RAPH1: variants seen among roughly 807,000 people sequenced by gnomAD.
RAPH1 encodes the protein ras-associated and pleckstrin homology domains-containing protein 1.
RAPH1 carries 18 observed loss-of-function variants against 88.1 expected under a neutral mutation model. The ratio of observed to expected loss-of-function variants is 0.20; its 90% CI spans 0.14 to 0.30. RAPH1 has a LOEUF of 0.30. RAPH1 is among the 10% of genes least tolerant of loss of function. The pLI is 1.00. For synonymous variants in RAPH1, 587 were observed against 559.0 expected, an observed-to-expected ratio of 1.05 and a Z score of -0.71; for missense variants, 1,448 against 1,543.2, an observed-to-expected ratio of 0.94 and a Z score of 1.03.
At chr2:203,457,117 G>GT (rs1166402109) in intron 8 of RAPH1, among the ~76,000 whole-genome samples, 3 of 151,852 alleles carry the variant, frequency 2.0e-5, no homozygotes, top group Non-Finnish European at 4.4e-5. Context: ...AATTAAAATT[G>GT]TAACTACAAA....
chr2:203,457,495 T>A, intron 8 of RAPH1, 35 bp downstream of exon 8: 1 of 1,575,564 alleles, frequency 6.3e-7, no homozygotes. Context: ...AATATTTTAA[T>A]TTTTAAATGT....
In RAPH1 at chr2:203,448,935, T is replaced by C. The variant is rs2098512359; in HGVS notation, c.1414-99A>G. Reference sequence around the variant, plus strand: ...ACATATCCTGACAAGTTATAGGCCATTAGAGTAATGGCCAATACATTTATG... The same window carrying C: ...ACATATCCTGACAAGTTATAGGCCACTAGAGTAATGGCCAATACATTTATG... On this transcript the variant is annotated intron_variant, in intron 10 of 13. Coordinates refer to ENST00000319170, the MANE Select transcript of RAPH1 (RefSeq NM_213589.3). This position sits in a 1 kb window ranked among gnomAD's most constrained non-coding sequence, Gnocchi z 4.1. The C allele has an allele frequency of 1.5e-6, 1 of 660,922 alleles. No homozygotes were observed. The highest frequency in any genetic ancestry group is 2.5e-5 in the South Asian group (1 of 40,268). The allele number at this position is 660,922 out of a possible 1,614,324, so 40.9% of individuals were successfully genotyped here. A position where few individuals can be genotyped will look rare whatever the true frequency, so the allele number is the denominator to read the frequency against.
chr2:203,464,996 T>C (rs2098527332), intron 4 of RAPH1, among the ~76,000 whole-genome samples: 1 of 152,216 alleles, frequency 6.6e-6, no homozygotes, highest in Non-Finnish European at 1.5e-5. Context: ...CACCAAATGC[T>C]GCCAAGGATG....
rs1305309497 is a variant in RAPH1 at position 203,439,757 on chromosome 2, C to T, written c.3433G>A (p.Ala1145Thr). 1 of 1,613,912 alleles carries T rather than the reference C, an allele frequency of 6.2e-7. No individual in the cohort carries two copies. The highest frequency in any genetic ancestry group is 1.3e-5 in the African/African-American group (1 of 74,856). Residue 1145 changes from alanine (A) to threonine (T), a missense_variant, in exon 14 of 14, where the codon GCC becomes ACC. Ala to Thr is a moderately conservative substitution (Grantham distance 58). Transcript: ENST00000319170. ...QAEISEQPTMATVVPQVPTSP... is the reference protein window; with the variant it reads ...QAEISEQPTMTTVVPQVPTSP... The stretch of plus-strand genomic sequence containing the variant: ...GTGGGCACTTGTGGCACAACTGTGG[C>T]CATTGTTGGCTGCTCAGAAATCTCA...
chr2:203,491,240 TA>T lies in RAPH1; in HGVS notation c.199del (p.Tyr67ThrfsTer8). 1 of 1,612,728 alleles carries T rather than the reference TA, an allele frequency of 6.2e-7. No homozygotes were observed. Among genetic ancestry groups the T allele is most frequent in the Non-Finnish European group, 8.5e-7 (1 of 1,178,910 alleles). On this transcript the variant is annotated frameshift_variant, in exon 3 of 14. Transcript: ENST00000319170. LOFTEE classifies it high-confidence loss of function. ...RQETNMANFS[Y>X]RFSIYNLNEA... ...ATTCAAGTTGTATATGGAGAAGCGG[TA>T]AGAAAAGTTGGCCATGTTTGTTTCC... is the stretch of plus-strand genomic sequence containing the variant.
intron 13 of RAPH1, 182 bp from the exon 14 acceptor site, chr2:203,441,595 G>A: frequency 1.5e-6 from 2 of 1,352,400 alleles, no homozygotes; most frequent in Non-Finnish European, 1.9e-6. Flanking sequence ...ATCTGATTGT[G>A]CGGGCAAGAA....
chr2:203,438,115 C>G lies in RAPH1; in HGVS notation c.*1322G>C. 1 of 518,222 alleles carries G rather than the reference C, an allele frequency of 1.9e-6. No individual in the cohort carries two copies. Among genetic ancestry groups the G allele is most frequent in the African/African-American group, 1.9e-5 (1 of 52,076 alleles). The allele number at this position is 518,222 out of a possible 1,614,324, so 32.1% of individuals were successfully genotyped here. The stretch of plus-strand genomic sequence containing the variant: ...CGTAATGTCAGTTACTGGACTTGGA[C>G]TGTCCCACTCCATCAGAACACCTAG... On this transcript the variant is annotated 3_prime_UTR_variant, in exon 14 of 14. Transcript: ENST00000319170.
At position 203,514,769 on chromosome 2, in the gene RAPH1, T is replaced by C. The variant is rs1689522279; in HGVS notation, c.1-19416A>G. ...CGAGGTTTCACCGTGTTAGCCAGGATGGTCTCAATCTCCTGACCTCATGAT... is the reference window on the plus strand; with the variant it reads ...CGAGGTTTCACCGTGTTAGCCAGGACGGTCTCAATCTCCTGACCTCATGAT... On this transcript the variant is annotated intron_variant, in intron 1 of 13. Transcript: ENST00000319170. 2.0e-5 allele frequency among the ~76,000 whole-genome samples: 3 copies of C among 152,142 alleles called. No homozygotes were observed. The South Asian group carries it at 6.2e-4, about 32-fold the overall frequency.
intron 10 of RAPH1, among the ~76,000 whole-genome samples, chr2:203,450,434 C>T (rs964317829): frequency 1.3e-5 from 2 of 152,178 alleles, no homozygotes; most frequent in African/African-American, 4.8e-5. Flanking sequence ...GGAATATGCT[C>T]CTTGTCCACG....
chr2:203,447,510 C>G (rs1472773327), intron 12 of RAPH1: 1 of 152,264 alleles, frequency 6.6e-6, no homozygotes, highest in African/African-American at 2.4e-5. Flanking sequence ...TGACATGGAT[C>G]TCATTCATGA....
intron 3 of RAPH1, 107 bp downstream of exon 3, chr2:203,491,107 C>A: frequency 3.4e-6 from 2 of 594,058 alleles, no homozygotes; most frequent in Non-Finnish European, 5.8e-6. Flanking sequence ...TCGAGTTATG[C>A]ATGTAGCTTT....
intron 4 of RAPH1, among the ~76,000 whole-genome samples, chr2:203,464,332 C>T (rs2098526721): frequency 1.3e-5 from 2 of 152,170 alleles, no homozygotes; most frequent in Admixed American, 6.5e-5. Flanking sequence ...AGTGCAGTGG[C>T]ATGATCTTGG....
intron 1 of RAPH1, among the ~76,000 whole-genome samples, chr2:203,521,525 C>T (rs1438298479): frequency 1.3e-5 from 2 of 152,068 alleles, no homozygotes; most frequent in Non-Finnish European, 2.9e-5. Flanking sequence ...ATACATTACA[C>T]CTCTTTAAAG....
intron 1 of RAPH1, among the ~76,000 whole-genome samples, chr2:203,515,296 T>C (rs1689547736): frequency 1.3e-5 from 2 of 152,216 alleles, no homozygotes; most frequent in African/African-American, 4.8e-5. Context: ...GCATAACCAT[T>C]GCAAGTTCTG....
At chr2:203,531,202 G>A (rs1223767773) in intron 1 of RAPH1, among the ~76,000 whole-genome samples, 2 of 151,668 alleles carry the variant, frequency 1.3e-5, no homozygotes, top group African/African-American at 4.8e-5. Context: ...CAAAAGCACA[G>A]ACAGAAGAAA....
rs570566484 is a variant in RAPH1 at position 203,492,299 on chromosome 2, T to C, written c.121-980A>G. ...TTTCTTTCCTCAAAGGGATTTGGTT[T>C]AGGTCCAGGAAAGCCTCGATCTTTG... On this transcript the variant is annotated intron_variant, in intron 2 of 13. Transcript: ENST00000319170. Among the ~76,000 whole-genome samples the C allele has an allele frequency of 5.3e-5, 8 of 152,238 alleles. No individual in the cohort carries two copies. In the South Asian group the frequency reaches 1.7e-3, roughly 32 times the overall value.
At chr2:203,485,324 C>A (rs924623182) in intron 4 of RAPH1, among the ~76,000 whole-genome samples, 1 of 150,684 alleles carries the variant, frequency 6.6e-6, no homozygotes, top group Non-Finnish European at 1.5e-5. Context: ...GGCATGAGAA[C>A]CATGTGAACC....
intron 1 of RAPH1, among the ~76,000 whole-genome samples, chr2:203,498,575 A>G (rs1311359136): frequency 6.6e-6 from 1 of 152,182 alleles, no homozygotes; most frequent in Non-Finnish European, 1.5e-5. Flanking sequence ...GCTGTTTCAA[A>G]CAACACCTCC....
intron 1 of RAPH1, among the ~76,000 whole-genome samples, chr2:203,503,330 G>A (rs948907702): frequency 3.3e-5 from 5 of 152,166 alleles, no homozygotes; most frequent in Non-Finnish European, 7.4e-5. Flanking sequence ...CAGAGACTGG[G>A]AAGAAAGAGG....
Sources: allele counts gnomAD v4.1 joint callset (sites outside exome capture counted in the v4.1 genomes callset), GRCh38; gene constraint gnomAD v4.1.1; non-coding constraint Gnocchi (gnomAD v3.1); transcripts MANE v1.5; gene names NCBI Gene and HGNC (gene_info 2026-07-23, HGNC 2026-07-21).